Variants in PCDHA7 observed in about 807,000 individuals in gnomAD.
PCDHA7 encodes protocadherin alpha 7.
PCDHA7 carries 37 observed loss-of-function variants against 57.2 expected under a neutral mutation model. The ratio of observed to expected loss-of-function variants is 0.65; its 90% CI spans 0.50 to 0.85. The LOEUF (loss-of-function observed/expected upper bound fraction) is 0.85. Ranked by LOEUF, PCDHA7 falls within the 40% of genes least tolerant of loss-of-function variation. The pLI, the probability that PCDHA7 is intolerant of heterozygous loss-of-function variation, is 0.00. For missense variants in PCDHA7, 1,188 were observed against 1,241.8 expected (o/e 0.96, Z 0.65); for synonymous variants, 553 against 558.8 (o/e 0.99, Z 0.15).
At chr5:140,836,797 C>A in intron 1 of PCDHA7, 59 bp downstream of exon 1, 1 of 1,343,980 alleles carries the variant, frequency 7.4e-7, no homozygotes, top group Admixed American at 2.4e-5. Flanking sequence ...AATTGGTCTC[C>A]TTAAATTTTC....
chr5:140,884,060 G>T (rs781956914), intron 1 of PCDHA7: 1 of 1,613,430 alleles, frequency 6.2e-7, no homozygotes, highest in African/African-American at 1.3e-5. Flanking sequence ...GCGCGCGGTG[G>T]ACGCCGATTC....
At chr5:141,008,426 C>T (rs2098375902) in intron 3 of PCDHA7, among the ~76,000 whole-genome samples, 1 of 152,170 alleles carries the variant, frequency 6.6e-6, no homozygotes, top group Non-Finnish European at 1.5e-5. Flanking sequence ...ACTGGGATCA[C>T]TTTGCCCAGA....
chr5:140,990,022 G>A (rs891983888), intron 3 of PCDHA7, among the ~76,000 whole-genome samples: 1 of 152,156 alleles, frequency 6.6e-6, no homozygotes, highest in African/African-American at 2.4e-5. Flanking sequence ...GCTAGGCAAA[G>A]GATGGGAGAA....
At chr5:140,854,572 C>T (rs2043163133) in intron 1 of PCDHA7, 2 of 149,770 alleles carry the variant, frequency 1.3e-5, no homozygotes, top group South Asian at 4.2e-4. Context: ...CTCTGTCATT[C>T]AGATTTTAAT....
chr5:140,841,896 T>A (rs2150325058), intron 1 of PCDHA7: 2 of 1,613,838 alleles, frequency 1.2e-6, no homozygotes, highest in Middle Eastern at 1.6e-4. Context: ...AATAAACTGG[T>A]TGAGCTCGTA....
chr5:140,848,422 G>A lies in PCDHA7; in HGVS notation c.2355+11684G>A, dbSNP rs143939535. 1,502 of 1,425,074 alleles carry A rather than the reference G, an allele frequency of 1.1e-3. 85 individuals are homozygous for A. The African/African-American group carries it at 0.018, about 17-fold the overall frequency. 88.3% of individuals were successfully genotyped at this position (1,425,074 alleles called of 1,614,324 possible). ...AACGATGGCGAACACAGCAGAATGG[G>A]ACTGACGAAATCAGATGATTTCTTC... On this transcript the variant is annotated intron_variant, in intron 1 of 3. Transcript: ENST00000525929.
chr5:140,835,970 G>T lies in PCDHA7; in HGVS notation c.1587G>T (p.Glu529Asp), dbSNP rs1178302162. The T allele has an allele frequency of 6.2e-7, 1 of 1,613,202 alleles. No individual in the cohort carries two copies. Among genetic ancestry groups the T allele is most frequent in the Non-Finnish European group, 8.5e-7 (1 of 1,179,720 alleles). The change falls in exon 1 of 4, where the codon GAG becomes GAT. Residue 529 changes from glutamate to aspartate, a missense_variant. Physicochemically the swap from Glu to Asp is conservative, Grantham distance 45. Transcript: ENST00000525929. ...AGCCGTTGGACCACGAGGAGCTGGAGCTGTTGCAGTTCCAGGTGAGCGCGC... is the reference window on the plus strand; with the variant it reads ...AGCCGTTGGACCACGAGGAGCTGGATCTGTTGCAGTTCCAGGTGAGCGCGC... ...ALQPLDHEELELLQFQVSARD... is the reference protein window; with the variant it reads ...ALQPLDHEELDLLQFQVSARD...
intron 1 of PCDHA7, among the ~76,000 whole-genome samples, chr5:140,914,169 G>A (rs997751296): frequency 1.1e-4 from 17 of 152,140 alleles, no homozygotes; most frequent in Admixed American, 6.5e-5. Context: ...GGAAAGTGGG[G>A]TGTTGAATTC....
chr5:140,927,614 A>G (rs1554204810), intron 1 of PCDHA7: 10 of 1,614,204 alleles, frequency 6.2e-6, no homozygotes, highest in South Asian at 1.1e-5. Flanking sequence ...TACCGCACCA[A>G]GGTTCCAGAG....
Position 140,851,044 on chromosome 5 carries a change from G to A in PCDHA7, c.2355+14306G>A, listed in dbSNP as rs781824317. 121 of 1,389,526 alleles carry A rather than the reference G, an allele frequency of 8.7e-5. 9 individuals are homozygous for A. The highest frequency in any genetic ancestry group is 1.1e-4 in the Non-Finnish European group (114 of 1,060,604). 86.1% of individuals were successfully genotyped at this position (1,389,526 alleles called of 1,614,324 possible). On this transcript the variant is annotated intron_variant, in intron 1 of 3. Transcript: ENST00000525929. ...AAGTAAACCCCTTAACATTGGAGCC[G>A]ACTTTGTCTTGACTTCTAGTGAGAA... is the stretch of plus-strand genomic sequence containing the variant.
At chr5:140,997,668 T>TTGTGTGTGTGTGTGTGTG (rs35184029) in intron 3 of PCDHA7, among the ~76,000 whole-genome samples, 77 of 148,344 alleles carry the variant, frequency 5.2e-4, no homozygotes, top group African/African-American at 1.8e-3. Context: ...ATTATACAGC[T>TTGTGTGTGTGTGTGTGTG]TGTGTGTGTG....
chr5:140,987,358 T>C (rs1554249108), intron 3 of PCDHA7, among the ~76,000 whole-genome samples: 2 of 152,208 alleles, frequency 1.3e-5, no homozygotes, highest in Non-Finnish European at 2.9e-5. Context: ...CCTGAGGTTG[T>C]CTTATATCAT....
chr5:140,988,864 C>T (rs1017144453), intron 3 of PCDHA7: 2 of 152,190 alleles, frequency 1.3e-5, no homozygotes, highest in Non-Finnish European at 2.9e-5. Flanking sequence ...GTCTCATGTG[C>T]ACTCAGATGT....
At chr5:140,882,282 G>A in intron 1 of PCDHA7, 3 of 1,612,830 alleles carry the variant, frequency 1.9e-6, no homozygotes, top group Non-Finnish European at 2.5e-6. Context: ...CTGTCTTCCT[G>A]GCAAGGAGGC....
chr5:140,927,136 G>A (rs2083883058), intron 1 of PCDHA7: 3 of 1,613,986 alleles, frequency 1.9e-6, no homozygotes, highest in African/African-American at 2.7e-5. Flanking sequence ...AGAGCCGGCG[G>A]ACCGCGAACA....
At chr5:140,906,022 C>T (rs782487413) in intron 1 of PCDHA7, among the ~76,000 whole-genome samples, 9 of 152,192 alleles carry the variant, frequency 5.9e-5, no homozygotes, top group African/African-American at 1.2e-4. Context: ...AATCTCTCCA[C>T]GTTCTTCTGT....
rs1166002941 is a variant in PCDHA7 at position 141,000,351 on chromosome 5, G to A, written c.2504-9276G>A. ...ACAGCAAGGCCCTATCTCTCTCTCT[G>A]TCTCTCTCTGTCTCTCTCTCTCTCT... On this transcript the variant is annotated intron_variant, in intron 3 of 3. Transcript: ENST00000525929. Among the ~76,000 whole-genome samples the A allele has an allele frequency of 6.0e-5, 4 of 66,852 alleles. No homozygotes were observed. The Admixed American group carries it at 6.5e-4, about 11-fold the overall frequency. 43.9% of individuals were successfully genotyped at this position (66,852 alleles called of 152,430 possible).
intron 1 of PCDHA7, among the ~76,000 whole-genome samples, chr5:140,915,425 A>T (rs2077115235): frequency 6.6e-6 from 1 of 152,056 alleles, no homozygotes; most frequent in African/African-American, 2.4e-5. Flanking sequence ...GGGCTTGTTT[A>T]TCCCTGTCCT....
intron 2 of PCDHA7, among the ~76,000 whole-genome samples, chr5:140,979,246 C>A (rs944063929): frequency 2.0e-5 from 3 of 152,206 alleles, no homozygotes; most frequent in African/African-American, 7.2e-5. Context: ...AAACAGGCTG[C>A]TATGTATTTT....
Sources: gnomAD v4.1 joint callset for allele counts (sites outside exome capture counted in the v4.1 genomes callset) on GRCh38, gnomAD v4.1.1 for gene constraint, MANE v1.5 for transcripts, NCBI Gene and HGNC (gene_info 2026-07-23, HGNC 2026-07-21) for gene names.